Variants in GRIA4 observed in about 807,000 individuals in gnomAD.
GRIA4 encodes the protein glutamate ionotropic receptor AMPA type subunit 4.
A neutral mutation model predicts 104.0 loss-of-function variants in GRIA4; 34 were observed. The observed-to-expected ratio is 0.33, with a 90% confidence interval of 0.25 to 0.44. The LOEUF (loss-of-function observed/expected upper bound fraction) is 0.44, where lower values mean the gene tolerates loss of function less well. Ranked by LOEUF, GRIA4 falls within the 20% of genes least tolerant of loss-of-function variation. The probability of loss-of-function intolerance (pLI) is 1.00; values close to 1 mark genes in which losing one functional copy is unlikely to be tolerated. For synonymous variants in GRIA4, 386 were observed against 381.9 expected (o/e 1.01, Z -0.13); for missense variants, 750 against 1,096.5 (o/e 0.68, Z 4.46).
intron 3 of GRIA4, among the ~76,000 whole-genome samples, chr11:105,672,529 A>G (rs1952407750): frequency 6.6e-6 from 1 of 152,182 alleles, no homozygotes; most frequent in Non-Finnish European, 1.5e-5. Context: ...TGATAATGTT[A>G]AAAATCTGTC....
intron 3 of GRIA4, among the ~76,000 whole-genome samples, chr11:105,708,219 T>C (rs1291587601): frequency 1.3e-5 from 2 of 152,102 alleles, no homozygotes; most frequent in Non-Finnish European, 2.9e-5. Context: ...ATGCTGTCCT[T>C]CGTGTAATAA....
At chr11:105,921,306 G>GTGTGT (rs1947552359) in intron 11 of GRIA4, among the ~76,000 whole-genome samples, 1 of 138,768 alleles carries the variant, frequency 7.2e-6, no homozygotes, top group South Asian at 2.4e-4. Context: ...ACCACACTTG[G>GTGTGT]GTGTGTGTGT....
At chr11:105,840,404 A>T (rs566276064) in intron 4 of GRIA4, among the ~76,000 whole-genome samples, 1 of 152,226 alleles carries the variant, frequency 6.6e-6, no homozygotes, top group Admixed American at 6.5e-5. Context: ...ATACATCTAC[A>T]TGATTTTCAT....
chr11:105,932,799 T>C (rs1486667389), intron 13 of GRIA4, among the ~76,000 whole-genome samples: 1 of 152,170 alleles, frequency 6.6e-6, no homozygotes, highest in East Asian at 1.9e-4. Flanking sequence ...AGTTTGATTC[T>C]TGTGTTAGGG....
rs867989091 is a variant in GRIA4, at chr11:105,738,824, G to A, written c.248-14157G>A. Among the ~76,000 whole-genome samples the A allele has an allele frequency of 2.6e-5, 4 of 151,252 alleles. No individual in the cohort carries two copies. The South Asian group carries it at 8.3e-4, about 31-fold the overall frequency. ...CGTTTCCATTAAAGGATCACTTAAAGGTAAAAATATATTCTAAATCCTTGA... is the reference window on the plus strand; with the variant it reads ...CGTTTCCATTAAAGGATCACTTAAAAGTAAAAATATATTCTAAATCCTTGA... On this transcript the variant is annotated intron_variant, in intron 3 of 16. Coordinates refer to ENST00000282499, the MANE Select transcript of GRIA4 (RefSeq NM_000829.4).
At chr11:105,616,758 C>A (rs974014723) in intron 3 of GRIA4, among the ~76,000 whole-genome samples, 1 of 151,564 alleles carries the variant, frequency 6.6e-6, no homozygotes, top group African/African-American at 2.4e-5. Context: ...TTGACTTTTG[C>A]CTATATTTAG....
At chr11:105,778,088 T>G (rs561993744) in intron 4 of GRIA4, among the ~76,000 whole-genome samples, 1 of 152,274 alleles carries the variant, frequency 6.6e-6, no homozygotes, top group South Asian at 2.1e-4. Flanking sequence ...TAAACCAAAC[T>G]GAACTGAACC....
rs935803972 is a variant in GRIA4, at chr11:105,669,420, A to G, written c.247+56986A>G. 1.6e-4 allele frequency among the ~76,000 whole-genome samples: 25 copies of G among 152,110 alleles called. 1 individual carries two copies. The highest frequency in any genetic ancestry group is 4.6e-4 in the African/African-American group (19 of 41,448). The stretch of plus-strand genomic sequence containing the variant: ...TATATTATATCTTTTTGTTTAAAAT[A>G]AAACAATACTATAATTTCCAAATTC... On this transcript the variant is annotated intron_variant, in intron 3 of 16. Coordinates refer to ENST00000282499, the MANE Select transcript of GRIA4 (RefSeq NM_000829.4).
chr11:105,622,354 G>A (rs1950769264), intron 3 of GRIA4, among the ~76,000 whole-genome samples: 1 of 151,568 alleles, frequency 6.6e-6, no homozygotes, highest in Non-Finnish European at 1.5e-5. Context: ...TCTTTGTGAG[G>A]TTTTCTTGTG....
intron 3 of GRIA4, among the ~76,000 whole-genome samples, chr11:105,680,321 T>C (rs1425100702): frequency 1.3e-5 from 2 of 152,038 alleles, no homozygotes; most frequent in Admixed American, 6.6e-5. Context: ...AAATCCTGGC[T>C]ATAGGAGGAA....
chr11:105,810,277 A>G (rs1276382330), intron 4 of GRIA4, among the ~76,000 whole-genome samples: 1 of 152,184 alleles, frequency 6.6e-6, no homozygotes, highest in Admixed American at 6.5e-5. Flanking sequence ...TGACAGTTGC[A>G]ATCACTTAAC....
intron 3 of GRIA4, among the ~76,000 whole-genome samples, chr11:105,738,930 C>CAAAAAAAAA (rs1301890108): frequency 2.5e-5 from 2 of 80,628 alleles, no homozygotes; most frequent in Admixed American, 1.5e-4. Context: ...TAAAAAAAAA[C>CAAAAAAAAA]AAAAAAAAAA....
intron 2 of GRIA4, among the ~76,000 whole-genome samples, chr11:105,611,387 T>C (rs908888072): frequency 2.6e-5 from 4 of 152,106 alleles, no homozygotes; most frequent in Admixed American, 1.3e-4. Context: ...AATTTGGTTG[T>C]ATTTTATATG....
chr11:105,641,218 T>C (rs1951349586), intron 3 of GRIA4, among the ~76,000 whole-genome samples: 1 of 152,146 alleles, frequency 6.6e-6, no homozygotes, highest in South Asian at 2.1e-4. Flanking sequence ...CCCTCATATG[T>C]TAAATAAAAT....
At chr11:105,970,685 C>G (rs1176231316) in intron 14 of GRIA4, among the ~76,000 whole-genome samples, 1 of 152,110 alleles carries the variant, frequency 6.6e-6, no homozygotes, top group African/African-American at 2.4e-5. Context: ...TCTTGTAACT[C>G]CAGATGCACT....
chr11:105,912,374 C>T (rs1180347122), intron 10 of GRIA4: 3 of 967,788 alleles, frequency 3.1e-6, no homozygotes, highest in Non-Finnish European at 3.7e-6. Context: ...TATAGAGAAT[C>T]TCCTTTCCAT....
intron 3 of GRIA4, among the ~76,000 whole-genome samples, chr11:105,700,793 TC>T (rs1280625131): frequency 1.3e-5 from 2 of 152,148 alleles, no homozygotes; most frequent in Non-Finnish European, 2.9e-5. Context: ...ATGAATGCAT[TC>T]CCTTTTCACT....
At chr11:105,734,546 C>T (rs1938811734) in intron 3 of GRIA4, among the ~76,000 whole-genome samples, 1 of 152,064 alleles carries the variant, frequency 6.6e-6, no homozygotes, top group South Asian at 2.1e-4. Context: ...TGTTTCAGAA[C>T]AAGGTGGCTT....
chr11:105,732,286 C>A (rs560886030), intron 3 of GRIA4, among the ~76,000 whole-genome samples: 19 of 152,240 alleles, frequency 1.2e-4, no homozygotes, highest in Admixed American at 9.8e-4. Context: ...CTTCCTTTGC[C>A]TGGGGATGTG....
Sources: gnomAD v4.1 joint callset for allele counts (sites outside exome capture counted in the v4.1 genomes callset) on GRCh38, gnomAD v4.1.1 for gene constraint, MANE v1.5 for transcripts, NCBI Gene and HGNC (gene_info 2026-07-23, HGNC 2026-07-21) for gene names.